The following NDUFAF2 variants were observed in gnomAD, a reference collection of about 807,000 sequenced individuals.
The protein encoded by NDUFAF2 is NADH:ubiquinone oxidoreductase complex assembly factor 2.
A neutral mutation model predicts 22.8 loss-of-function variants in NDUFAF2; 13 were observed. That is an observed-to-expected ratio of 0.57 (90% CI 0.37 to 0.91). NDUFAF2 has a LOEUF of 0.91. Ranked by LOEUF, NDUFAF2 falls within the 40% of genes least tolerant of loss-of-function variation. The pLI is 0.01. For missense variants in NDUFAF2, 162 were observed against 195.2 expected (o/e 0.83, Z 1.01); for synonymous variants, 53 against 64.2 (o/e 0.83, Z 0.84).
intron 2 of NDUFAF2, among the ~76,000 whole-genome samples, chr5:61,096,294 A>G (rs558577644): frequency 1.3e-5 from 2 of 152,262 alleles, no homozygotes; most frequent in East Asian, 3.9e-4. Flanking sequence ...CAGACTCACA[A>G]GGGAGATTAA....
chr5:61,067,555 A>G (rs1181780388), intron 1 of NDUFAF2, among the ~76,000 whole-genome samples: 1 of 152,030 alleles, frequency 6.6e-6, no homozygotes, highest in African/African-American at 2.4e-5. Flanking sequence ...AATCCAGTCT[A>G]TCATTGATGG....
intron 2 of NDUFAF2, among the ~76,000 whole-genome samples, chr5:61,090,821 T>C (rs1193222425): frequency 6.6e-6 from 1 of 152,100 alleles, no homozygotes; most frequent in Non-Finnish European, 1.5e-5. Context: ...TTATTTTTCC[T>C]GATCCTCTCC....
At chr5:61,020,674 C>T (rs889253035) in intron 1 of NDUFAF2, among the ~76,000 whole-genome samples, 13 of 151,936 alleles carry the variant, frequency 8.6e-5, no homozygotes, top group Admixed American at 5.3e-4. Context: ...ACTTCAGCCT[C>T]CTGAGTAGCT....
chr5:61,071,564 A>G (rs1752300265), intron 1 of NDUFAF2, among the ~76,000 whole-genome samples: 1 of 152,208 alleles, frequency 6.6e-6, no homozygotes, highest in Admixed American at 6.5e-5. Context: ...AGTGTAGGAG[A>G]GAGATTTGCA....
intron 1 of NDUFAF2, among the ~76,000 whole-genome samples, chr5:60,977,279 A>T (rs896452853): frequency 6.6e-6 from 1 of 151,824 alleles, no homozygotes; most frequent in Non-Finnish European, 1.5e-5. Context: ...AATACAAAAC[A>T]TTAGCTGGGC....
chr5:61,152,002 A>C (rs1225302783), intron 3 of NDUFAF2, among the ~76,000 whole-genome samples: 1 of 152,220 alleles, frequency 6.6e-6, no homozygotes, highest in Admixed American at 6.5e-5. Flanking sequence ...TATTCAAGGA[A>C]ATACAGTAAC....
chr5:61,152,646 A>G (rs899124905), intron 3 of NDUFAF2, 58 bp from the exon 4 acceptor site: 2 of 1,269,898 alleles, frequency 1.6e-6, no homozygotes, highest in Non-Finnish European at 1.1e-6. Context: ...GGCTATTTTT[A>G]TAAAAACTTT....
intron 1 of NDUFAF2, among the ~76,000 whole-genome samples, chr5:61,013,855 G>T (rs867861364): frequency 6.6e-6 from 1 of 151,818 alleles, no homozygotes; most frequent in African/African-American, 2.4e-5. Context: ...TTATGTGTAG[G>T]TCATGTGCAA....
chr5:61,038,082 C>T (rs1043162260), intron 1 of NDUFAF2, among the ~76,000 whole-genome samples: 2 of 6,992 alleles, frequency 2.9e-4, no homozygotes. Context: ...GGGAGGGAGG[C>T]GGGGGAAGAG....
At chr5:61,121,603 G>A (rs1472683581) in intron 3 of NDUFAF2, among the ~76,000 whole-genome samples, 2 of 151,986 alleles carry the variant, frequency 1.3e-5, no homozygotes, top group African/African-American at 4.8e-5. Context: ...GCTAGACTGT[G>A]GTACCCAGAT....
intron 1 of NDUFAF2, among the ~76,000 whole-genome samples, chr5:61,065,233 CA>C (rs1426745462): frequency 6.6e-6 from 1 of 151,862 alleles, no homozygotes; most frequent in Non-Finnish European, 1.5e-5. Context: ...AAAGAAAAGC[CA>C]AACACCAGAT....
intron 3 of NDUFAF2, among the ~76,000 whole-genome samples, chr5:61,101,751 T>G (rs775871604): frequency 1.3e-5 from 2 of 152,178 alleles, no homozygotes; most frequent in African/African-American, 2.4e-5. Flanking sequence ...CATAGAATAC[T>G]GTGGAATTTA....
At chr5:61,092,331 GATTCTTCC>G (rs1752579045) in intron 2 of NDUFAF2, among the ~76,000 whole-genome samples, 1 of 152,072 alleles carries the variant, frequency 6.6e-6, no homozygotes, top group Non-Finnish European at 1.5e-5. Flanking sequence ...TAGCAATATT[GATTCTTCC>G]AGTCCGTGCG....
At chr5:61,126,100 T>A (rs1317459168) in intron 3 of NDUFAF2, among the ~76,000 whole-genome samples, 1 of 152,056 alleles carries the variant, frequency 6.6e-6, no homozygotes, top group Non-Finnish European at 1.5e-5. Context: ...GATTTCTTTT[T>A]TATTTAAAAA....
chr5:61,126,106 A>T (rs1300526794), intron 3 of NDUFAF2, among the ~76,000 whole-genome samples: 1 of 152,006 alleles, frequency 6.6e-6, no homozygotes, highest in African/African-American at 2.4e-5. Context: ...TTTTTTATTT[A>T]AAAAAATATG....
chr5:61,065,255 C>A (rs1246588333), intron 1 of NDUFAF2, among the ~76,000 whole-genome samples: 5 of 151,990 alleles, frequency 3.3e-5, no homozygotes, highest in African/African-American at 1.2e-4. Context: ...GGCTTTGTAG[C>A]TGAATTCTAC....
At chr5:60,957,333 C>T (rs1383305605) in intron 1 of NDUFAF2, among the ~76,000 whole-genome samples, 4 of 152,056 alleles carry the variant, frequency 2.6e-5, no homozygotes, top group Non-Finnish European at 5.9e-5. Context: ...ATAAACATTT[C>T]AGTATGTATC....
intron 1 of NDUFAF2, among the ~76,000 whole-genome samples, chr5:60,960,540 T>A (rs771339216): frequency 6.6e-6 from 1 of 152,202 alleles, no homozygotes; most frequent in Non-Finnish European, 1.5e-5. Context: ...CTGCTGCTGT[T>A]TGAAGACTTT....
intron 1 of NDUFAF2, among the ~76,000 whole-genome samples, chr5:61,023,018 G>C (rs1035944741): frequency 6.6e-6 from 1 of 152,030 alleles, no homozygotes; most frequent in African/African-American, 2.4e-5. Context: ...TATTTATTCT[G>C]ATTTTTGTTT....
Sources: allele counts gnomAD v4.1 joint callset (sites outside exome capture counted in the v4.1 genomes callset), GRCh38; gene constraint gnomAD v4.1.1; transcripts MANE v1.5; gene names NCBI Gene and HGNC (gene_info 2026-07-23, HGNC 2026-07-21).